Variants in SOX6 observed in about 807,000 individuals in gnomAD.
SOX6 encodes transcription factor SOX-6.
A neutral mutation model predicts 97.8 loss-of-function variants in SOX6; 11 were observed. The ratio of observed to expected loss-of-function variants is 0.11; its 90% CI spans 0.07 to 0.19. SOX6 has a LOEUF of 0.19. Among genes scored for constraint, SOX6 ranks in the 10% least tolerant of loss-of-function variants. SOX6 has a pLI of 1.00. For missense variants in SOX6, 810 were observed against 1,039.5 expected, an observed-to-expected ratio of 0.78 and a Z score of 3.04; for synonymous variants, 360 against 371.4, an observed-to-expected ratio of 0.97 and a Z score of 0.35.
At chr11:16,082,150 T>C (rs1437825183) in intron 9 of SOX6, among the ~76,000 whole-genome samples, 1 of 152,208 alleles carries the variant, frequency 6.6e-6, no homozygotes, top group Non-Finnish European at 1.5e-5. Context: ...CCAATAACAT[T>C]ACTATCCCTT....
At chr11:16,174,118 G>A (rs142944909) in intron 6 of SOX6, among the ~76,000 whole-genome samples, 5 of 149,502 alleles carry the variant, frequency 3.3e-5, no homozygotes, top group Non-Finnish European at 7.4e-5. Context: ...GATCCATAGT[G>A]CTTGTGAAGT....
chr11:15,985,306 G>C (rs1202412642), intron 15 of SOX6, among the ~76,000 whole-genome samples: 1 of 152,130 alleles, frequency 6.6e-6, no homozygotes, highest in Non-Finnish European at 1.5e-5. Flanking sequence ...GCACAGCACA[G>C]CTCCTCAATT....
At chr11:16,361,683 C>A (rs1313875503) in intron 1 of SOX6, among the ~76,000 whole-genome samples, 1 of 152,144 alleles carries the variant, frequency 6.6e-6, no homozygotes, top group Admixed American at 6.5e-5. Context: ...GAAATACAAC[C>A]ACCTCTGCAC....
At position 16,540,013 on chromosome 11, in the gene SOX6, C is replaced by A. The variant is rs563090469; in HGVS notation, n.610-63625G>T. Reference sequence around the variant, plus strand: ...ATGCCAAAGCTTGGCAGGGACACAACAAAAAAAAGAGAATTTTAGACCAAT... The same window carrying A: ...ATGCCAAAGCTTGGCAGGGACACAAAAAAAAAAAGAGAATTTTAGACCAAT... On this transcript the variant is annotated intron_variant and non_coding_transcript_variant, in intron 4 of 5. Coordinates refer to the SOX6 transcript ENST00000524520. Among the ~76,000 whole-genome samples the A allele has an allele frequency of 7.3e-5, 11 of 151,426 alleles. No individual in the cohort carries two copies. The South Asian group carries it at 8.3e-4, about 11-fold the overall frequency.
intron 1 of SOX6, among the ~76,000 whole-genome samples, chr11:16,431,286 C>A: frequency 6.6e-6 from 1 of 152,002 alleles, no homozygotes; most frequent in Non-Finnish European, 1.5e-5. Flanking sequence ...TCTCTCCTAC[C>A]ACTACCACTA....
intron 1 of SOX6, among the ~76,000 whole-genome samples, chr11:16,445,852 C>T (rs541623036): frequency 6.6e-6 from 1 of 152,164 alleles, no homozygotes; most frequent in East Asian, 1.9e-4. Flanking sequence ...GCAGAAGTAC[C>T]TGGATTAATG....
At chr11:16,445,471 T>C (rs1859593177) in intron 1 of SOX6, among the ~76,000 whole-genome samples, 1 of 152,202 alleles carries the variant, frequency 6.6e-6, no homozygotes, top group South Asian at 2.1e-4. Context: ...TTTTATATCC[T>C]TATTCATAAA....
At chr11:16,470,196 T>A (rs1371375414) in intron 1 of SOX6, among the ~76,000 whole-genome samples, 1 of 152,120 alleles carries the variant, frequency 6.6e-6, no homozygotes, top group Non-Finnish European at 1.5e-5. Flanking sequence ...GCAGCTCCCG[T>A]TGTCATGGAA....
At chr11:16,670,904 A>G (rs998483516) in intron 3 of SOX6, among the ~76,000 whole-genome samples, 3 of 146,772 alleles carry the variant, frequency 2.0e-5, no homozygotes, top group African/African-American at 7.4e-5. Context: ...CCATCACTCA[A>G]TGAGAGGGAT....
intron 3 of SOX6, among the ~76,000 whole-genome samples, chr11:16,309,401 A>C (rs1855530883): frequency 6.6e-6 from 1 of 152,206 alleles, no homozygotes; most frequent in Admixed American, 6.5e-5. Context: ...TAAGAATAAA[A>C]AGCAAGTCAC....
At chr11:16,183,858 T>A (rs774379490) in intron 6 of SOX6, 28 bp downstream of exon 6, 3 of 1,602,952 alleles carry the variant, frequency 1.9e-6, no homozygotes, top group African/African-American at 1.3e-5. Flanking sequence ...CTAAGTATAA[T>A]CAGACGAGAG....
chr11:16,557,196 T>A (rs1188028922), intron 4 of SOX6, among the ~76,000 whole-genome samples: 1 of 151,846 alleles, frequency 6.6e-6, no homozygotes, highest in African/African-American at 2.4e-5. Flanking sequence ...TTGAGTATAA[T>A]TAAAGTTTAT....
chr11:16,107,823 G>A (rs1341595164), intron 7 of SOX6, among the ~76,000 whole-genome samples: 2 of 151,986 alleles, frequency 1.3e-5, no homozygotes, highest in Non-Finnish European at 2.9e-5. Context: ...CAATAAAAAA[G>A]AAACATTAGG....
At chr11:16,035,616 T>C (rs1380271543) in intron 12 of SOX6, among the ~76,000 whole-genome samples, 1 of 152,188 alleles carries the variant, frequency 6.6e-6, no homozygotes, top group Non-Finnish European at 1.5e-5. Flanking sequence ...ACTAAATATT[T>C]ATACAAAATG....
At chr11:16,079,845 T>C (rs950004548) in intron 9 of SOX6, among the ~76,000 whole-genome samples, 1 of 152,158 alleles carries the variant, frequency 6.6e-6, no homozygotes, top group Non-Finnish European at 1.5e-5. Flanking sequence ...ATCTGTATCC[T>C]ACAGTAATAC....
At chr11:16,509,871 C>A (rs1172591066) in intron 4 of SOX6, among the ~76,000 whole-genome samples, 2 of 151,942 alleles carry the variant, frequency 1.3e-5, no homozygotes, top group Non-Finnish European at 2.9e-5. Flanking sequence ...AGCTTAACTC[C>A]TTTCTCTGTA....
intron 2 of SOX6, among the ~76,000 whole-genome samples, chr11:16,322,433 T>C (rs1196526313): frequency 6.6e-6 from 1 of 152,176 alleles, no homozygotes; most frequent in Non-Finnish European, 1.5e-5. Flanking sequence ...TCCCCAGCCA[T>C]GCTTCCTGTA....
intron 4 of SOX6, among the ~76,000 whole-genome samples, chr11:16,498,102 G>T (rs145679751): frequency 0.097 from 14,805 of 152,268 alleles, 832 homozygotes; most frequent in Non-Finnish European, 0.13. Context: ...AAGCCCATCA[G>T]ACTAACAGCT....
chr11:16,419,881 G>A (rs940522151), intron 1 of SOX6, among the ~76,000 whole-genome samples: 23 of 152,268 alleles, frequency 1.5e-4, no homozygotes, highest in African/African-American at 5.1e-4. Flanking sequence ...CAAAGTCAGA[G>A]AGTATTCCAA....
Sources: allele counts gnomAD v4.1 joint callset (sites outside exome capture counted in the v4.1 genomes callset), GRCh38; gene constraint gnomAD v4.1.1; transcripts MANE v1.5; gene names NCBI Gene and HGNC (gene_info 2026-07-23, HGNC 2026-07-21).